The following NAV3 variants were observed in gnomAD, a reference collection of about 807,000 sequenced individuals.
NAV3 encodes the protein pore membrane and/or filament interacting like protein 1.
NAV3 carries 87 observed loss-of-function variants against 244.7 expected under a neutral mutation model. The observed-to-expected ratio is 0.36, with a 90% CI of 0.30 to 0.42. NAV3 has a LOEUF of 0.42. NAV3 is among the 20% of genes least tolerant of loss of function. NAV3 has a pLI of 1.00. For missense variants in NAV3, 2,663 were observed against 2,893.3 expected (o/e 0.92, Z 1.83); for synonymous variants, 1,126 against 1,042.2 (o/e 1.08, Z -1.55).
intron 3 of NAV3, chr12:77,950,863 A>C (rs1258337243): frequency 3.3e-5 from 5 of 152,250 alleles, no homozygotes; most frequent in Non-Finnish European, 5.9e-5. Context: ...CTGGCTAGCC[A>C]TATGTAGAAA....
chr12:78,075,574 A>G (rs1953005460), intron 12 of NAV3, among the ~76,000 whole-genome samples: 1 of 152,284 alleles, frequency 6.6e-6, no homozygotes, highest in Admixed American at 6.5e-5. Context: ...CTTACATCCA[A>G]TGCAAAGATG....
In NAV3 at chr12:77,837,130, G is replaced by A. The variant is rs965567499; in HGVS notation, c.243+5426G>A. Among the ~76,000 whole-genome samples the A allele has an allele frequency of 4.0e-5, 6 of 151,888 alleles. 1 individual carries two copies. Among genetic ancestry groups the A allele is most frequent in the Admixed American group, 2.0e-4 (3 of 15,250 alleles). ...CTGAGAGAAATTGTATATGAATGGA[G>A]CATTCAGAAAAGACCGAATTTTTGA... On this transcript the variant is annotated intron_variant, in intron 1 of 39. Transcript: ENST00000397909.
intron 2 of NAV3, among the ~76,000 whole-genome samples, chr12:77,817,652 C>G (rs1872573331): frequency 6.6e-6 from 1 of 151,952 alleles, no homozygotes. Context: ...ATTAAATGGT[C>G]ATTTCACTTT....
At chr12:78,051,249 G>A in intron 11 of NAV3, 102 bp downstream of exon 11, 2 of 1,276,874 alleles carry the variant, frequency 1.6e-6, no homozygotes, top group Non-Finnish European at 1.1e-6. Context: ...AGAAAGTCAT[G>A]AGAACATATG....
intron 2 of NAV3, among the ~76,000 whole-genome samples, chr12:77,722,988 G>C (rs1387492763): frequency 1.3e-5 from 2 of 151,898 alleles, no homozygotes; most frequent in Admixed American, 6.6e-5. Flanking sequence ...TTTTTTGAGG[G>C]GCATGATTGT....
chr12:77,863,681 T>C (rs1879589075), intron 1 of NAV3, among the ~76,000 whole-genome samples: 1 of 151,626 alleles, frequency 6.6e-6, no homozygotes, highest in Admixed American at 6.6e-5. Flanking sequence ...AATATTTCTG[T>C]AATCTCTAAG....
intron 3 of NAV3, among the ~76,000 whole-genome samples, chr12:77,949,095 C>T (rs956848374): frequency 5.3e-5 from 8 of 151,914 alleles, no homozygotes; most frequent in Admixed American, 4.6e-4. Flanking sequence ...TTCCTTGTTA[C>T]ACTCTGAAAA....
chr12:77,915,790 G>A (rs1887082990), intron 1 of NAV3, among the ~76,000 whole-genome samples: 1 of 151,902 alleles, frequency 6.6e-6, no homozygotes, highest in African/African-American at 2.4e-5. Context: ...GTGGCTTCCT[G>A]AATTCCCCAT....
chr12:77,736,280 C>T (rs149453558), intron 2 of NAV3, among the ~76,000 whole-genome samples: 173 of 152,286 alleles, frequency 1.1e-3, no homozygotes, highest in African/African-American at 3.6e-3. Context: ...ATACAAAAAC[C>T]CTTTCCGGAG....
intron 1 of NAV3, 51 bp from the exon 2 acceptor site, chr12:77,940,268 T>G (rs746236559): frequency 3.8e-6 from 5 of 1,305,036 alleles, no homozygotes; most frequent in Non-Finnish European, 5.5e-6. Flanking sequence ...CATTTTATTG[T>G]CTCTGTTTTC....
At chr12:78,156,913 A>G (rs973385196) in intron 22 of NAV3, among the ~76,000 whole-genome samples, 4 of 152,184 alleles carry the variant, frequency 2.6e-5, no homozygotes, top group African/African-American at 7.2e-5. Context: ...CTCAAAACCC[A>G]TGTAAAGCAA....
intron 1 of NAV3, among the ~76,000 whole-genome samples, chr12:77,842,699 A>G (rs1461858164): frequency 1.3e-5 from 2 of 151,914 alleles, no homozygotes; most frequent in African/African-American, 4.8e-5. Context: ...GTGTGAATGG[A>G]TCACTGGAAA....
At chr12:78,127,583 T>G (rs1955972180) in intron 17 of NAV3, among the ~76,000 whole-genome samples, 1 of 152,136 alleles carries the variant, frequency 6.6e-6, no homozygotes, top group Non-Finnish European at 1.5e-5. Flanking sequence ...AAAATAAAAT[T>G]AACTCTTCTA....
intron 8 of NAV3, among the ~76,000 whole-genome samples, chr12:78,012,027 C>T (rs1035667433): frequency 1.4e-5 from 2 of 142,442 alleles, no homozygotes; most frequent in African/African-American, 5.2e-5. Context: ...AGGTCCCTCC[C>T]TCTACACATG....
chr12:78,127,937 T>C (rs1470253314), intron 17 of NAV3, among the ~76,000 whole-genome samples: 1 of 152,158 alleles, frequency 6.6e-6, no homozygotes, highest in African/African-American at 2.4e-5. Flanking sequence ...TGTACTTTTA[T>C]CTGAGGAAGA....
intron 2 of NAV3, among the ~76,000 whole-genome samples, chr12:77,707,032 C>A (rs1875848864): frequency 6.6e-6 from 1 of 151,790 alleles, no homozygotes; most frequent in South Asian, 2.1e-4. Flanking sequence ...CTTCAAGACC[C>A]AGCTTGAATT....
intron 2 of NAV3, among the ~76,000 whole-genome samples, chr12:77,763,067 C>CT (rs1869566677): frequency 6.6e-6 from 1 of 152,126 alleles, no homozygotes; most frequent in Non-Finnish European, 1.5e-5. Context: ...ATATCTTGAA[C>CT]TTTTTTGTGC....
chr12:77,893,089 T>C (rs1455359324), intron 1 of NAV3, among the ~76,000 whole-genome samples: 1 of 152,136 alleles, frequency 6.6e-6, no homozygotes, highest in Non-Finnish European at 1.5e-5. Flanking sequence ...TATAAGAATT[T>C]CCTCTATCTC....
At chr12:78,165,477 C>T (rs1957742397) in intron 23 of NAV3, among the ~76,000 whole-genome samples, 1 of 151,714 alleles carries the variant, frequency 6.6e-6, no homozygotes, top group African/African-American at 2.4e-5. Context: ...CTATGTTTCC[C>T]TTCAACATAA....
Sources: gnomAD v4.1 joint callset for allele counts (sites outside exome capture counted in the v4.1 genomes callset) on GRCh38, gnomAD v4.1.1 for gene constraint, MANE v1.5 for transcripts, NCBI Gene and HGNC (gene_info 2026-07-23, HGNC 2026-07-21) for gene names.